Variants in SUPT3H observed in about 807,000 individuals in gnomAD.
SUPT3H encodes the protein SPT3 homolog, SAGA and STAGA complex component, also known as transcription initiation protein SPT3 homolog.
A neutral mutation model predicts 44.3 loss-of-function variants in SUPT3H; 44 were observed. The observed-to-expected ratio is 0.99, with a 90% CI of 0.78 to 1.28. The LOEUF is 1.28. Among genes scored for constraint, SUPT3H ranks in the 50% most tolerant of loss-of-function variants. SUPT3H has a pLI of 0.00. For synonymous variants in SUPT3H, 124 were observed against 125.6 expected, an observed-to-expected ratio of 0.99 and a Z score of 0.09; for missense variants, 380 against 387.1, an observed-to-expected ratio of 0.98 and a Z score of 0.15.
intron 2 of SUPT3H, among the ~76,000 whole-genome samples, chr6:45,133,095 C>G (rs1051822714): frequency 6.6e-6 from 1 of 152,140 alleles, no homozygotes; most frequent in African/African-American, 2.4e-5. Flanking sequence ...ACAGTTATGA[C>G]CTTGACATGC....
chr6:45,172,418 T>C (rs1344214712), intron 2 of SUPT3H, among the ~76,000 whole-genome samples: 2 of 152,070 alleles, frequency 1.3e-5, no homozygotes, highest in Admixed American at 6.6e-5. Context: ...CATTATCCTC[T>C]ATTTATCTCT....
chr6:45,024,153 T>A (rs1785590635), intron 3 of SUPT3H, among the ~76,000 whole-genome samples: 1 of 152,176 alleles, frequency 6.6e-6, no homozygotes, highest in Non-Finnish European at 1.5e-5. Flanking sequence ...GTAACAACTT[T>A]GTTAGGAAAA....
chr6:44,935,388 C>T (rs1008039825), intron 9 of SUPT3H, among the ~76,000 whole-genome samples: 1 of 152,102 alleles, frequency 6.6e-6, no homozygotes, highest in Non-Finnish European at 1.5e-5. Context: ...CAGCTATAAA[C>T]ACGTGTGAAG....
In SUPT3H at chr6:45,334,147, G is replaced by A. The variant is rs372501401; in HGVS notation, c.101+31054C>T. Among the ~76,000 whole-genome samples the A allele has an allele frequency of 2.0e-5, 3 of 151,014 alleles. No homozygotes were observed. The East Asian group carries it at 5.8e-4, about 29-fold the overall frequency. ...TATACATTAGTTACATCAGATTAGT[G>A]ACATTTCTAAAAAGGTATATCTAAA... On this transcript the variant is annotated intron_variant, in intron 2 of 10. Transcript: ENST00000371459.
At chr6:45,187,605 T>G (rs1011972915) in intron 2 of SUPT3H, among the ~76,000 whole-genome samples, 1 of 152,198 alleles carries the variant, frequency 6.6e-6, no homozygotes, top group Non-Finnish European at 1.5e-5. Context: ...AAAAGACACT[T>G]TTCTTCCCAA....
chr6:45,312,530 G>C (rs1200110158), intron 2 of SUPT3H, among the ~76,000 whole-genome samples: 1 of 129,842 alleles, frequency 7.7e-6, no homozygotes, highest in Non-Finnish European at 1.7e-5. Context: ...AAAAAAAAAA[G>C]ACAAAAAGGG....
At chr6:45,187,347 G>A (rs1342180721) in intron 2 of SUPT3H, among the ~76,000 whole-genome samples, 2 of 151,760 alleles carry the variant, frequency 1.3e-5, no homozygotes, top group African/African-American at 2.4e-5. Flanking sequence ...CCCAGGAGGT[G>A]GAAGTTGCAA....
intron 2 of SUPT3H, among the ~76,000 whole-genome samples, chr6:45,142,475 G>C (rs535987718): frequency 6.6e-6 from 1 of 151,942 alleles, no homozygotes; most frequent in African/African-American, 2.4e-5. Flanking sequence ...GGTGGCTCAC[G>C]TCTGTAATTC....
intron 9 of SUPT3H, among the ~76,000 whole-genome samples, chr6:44,947,951 C>A (rs146555580): frequency 6.6e-6 from 1 of 152,210 alleles, no homozygotes; most frequent in African/African-American, 2.4e-5. Flanking sequence ...TTTCTTAGGA[C>A]ACAGGCAATA....
intron 2 of SUPT3H, among the ~76,000 whole-genome samples, chr6:45,271,982 T>G (rs1037675391): frequency 9.2e-5 from 14 of 152,216 alleles, no homozygotes; most frequent in African/African-American, 3.4e-4. Flanking sequence ...GCACAGGGCC[T>G]GTAGCCCCTT....
chr6:45,166,112 G>C (rs1809795638), intron 2 of SUPT3H, among the ~76,000 whole-genome samples: 1 of 152,156 alleles, frequency 6.6e-6, no homozygotes. Context: ...AGGTAACACA[G>C]GGAGATGTCA....
intron 2 of SUPT3H, among the ~76,000 whole-genome samples, chr6:45,338,297 C>T (rs975727938): frequency 4.0e-5 from 6 of 151,798 alleles, no homozygotes; most frequent in Non-Finnish European, 8.8e-5. Context: ...AGATTGTTCT[C>T]TCAAAAAAGG....
intron 3 of SUPT3H, among the ~76,000 whole-genome samples, chr6:45,057,532 G>C (rs1304571718): frequency 6.6e-6 from 1 of 152,070 alleles, no homozygotes; most frequent in Non-Finnish European, 1.5e-5. Flanking sequence ...AATAGAGCCT[G>C]ACAAAGTGAA....
chr6:45,007,649 C>T (rs1031211826), intron 5 of SUPT3H, among the ~76,000 whole-genome samples: 4 of 152,028 alleles, frequency 2.6e-5, no homozygotes, highest in African/African-American at 7.2e-5. Flanking sequence ...TCATCTAATC[C>T]CAACTATTTT....
At chr6:45,276,515 G>A (rs1210797250) in intron 2 of SUPT3H, among the ~76,000 whole-genome samples, 1 of 152,072 alleles carries the variant, frequency 6.6e-6, no homozygotes, top group Non-Finnish European at 1.5e-5. Context: ...CTTTTTCCAT[G>A]TGGTTTTGCA....
At chr6:45,366,387 C>T (rs1466671361) in intron 1 of SUPT3H, among the ~76,000 whole-genome samples, 4 of 152,120 alleles carry the variant, frequency 2.6e-5, no homozygotes, top group South Asian at 2.1e-4. Context: ...CAACGATAAT[C>T]TCACCTTCTT....
intron 6 of SUPT3H, among the ~76,000 whole-genome samples, chr6:44,981,364 G>C (rs1180241914): frequency 6.6e-6 from 1 of 152,132 alleles, no homozygotes; most frequent in Non-Finnish European, 1.5e-5. Flanking sequence ...TTTGATGAGA[G>C]AGATATGAAT....
At chr6:45,178,334 G>C (rs570412918) in intron 2 of SUPT3H, among the ~76,000 whole-genome samples, 111 of 152,228 alleles carry the variant, frequency 7.3e-4, no homozygotes, top group African/African-American at 2.6e-3. Context: ...TTACATAATG[G>C]TAAAGGGATC....
chr6:45,098,825 A>T lies in SUPT3H; in HGVS notation c.186+7097T>A, dbSNP rs1428659710. The T allele has an allele frequency of 1.5e-5, 8 of 544,658 alleles. No homozygotes were observed. The African/African-American group carries it at 1.5e-4, about 10-fold the overall frequency. 33.7% of individuals were successfully genotyped at this position (544,658 alleles called of 1,614,324 possible). A position where few individuals can be genotyped will look rare whatever the true frequency, so the allele number is the denominator to read the frequency against. The stretch of plus-strand genomic sequence containing the variant: ...CAGAGAGAGCAGTGTGCTTTCATCC[A>T]GGTTTCCACAGGGCAGGCTGCAGAA... On this transcript the variant is annotated intron_variant, in intron 3 of 10. Coordinates refer to ENST00000371459, the MANE Select transcript of SUPT3H (RefSeq NM_003599.4).
Sources: allele counts gnomAD v4.1 joint callset (sites outside exome capture counted in the v4.1 genomes callset), GRCh38; gene constraint gnomAD v4.1.1; transcripts MANE v1.5; gene names NCBI Gene and HGNC (gene_info 2026-07-23, HGNC 2026-07-21).